Variants in PPARD observed in about 807,000 individuals in gnomAD.
The protein encoded by PPARD is peroxisome proliferator activated receptor delta, also known as peroxisome proliferator-activated receptor delta.
Under a neutral mutation model 39.5 loss-of-function variants are expected in PPARD, and 6 were observed. That is an observed-to-expected ratio of 0.15 (90% CI 0.08 to 0.30). PPARD has a LOEUF of 0.30. Ranked by LOEUF, PPARD falls within the 10% of genes least tolerant of loss-of-function variation. PPARD has a pLI of 1.00. For missense variants in PPARD, 397 were observed against 596.8 expected (o/e 0.67, Z 3.49); for synonymous variants, 210 against 231.3 (o/e 0.91, Z 0.83).
chr6:35,361,561 C>G (rs1047038355), intron 2 of PPARD, among the ~76,000 whole-genome samples: 1 of 152,152 alleles, frequency 6.6e-6, no homozygotes, highest in Non-Finnish European at 1.5e-5. Context: ...TTCATCTGAA[C>G]ATTGGCCTGC....
chr6:35,343,492 T>C (rs1199910131), intron 1 of PPARD, among the ~76,000 whole-genome samples: 4 of 139,072 alleles, frequency 2.9e-5, no homozygotes, highest in Admixed American at 6.8e-5. Context: ...CTCCACACTC[T>C]ACTCTACTTT....
At chr6:35,397,404 AG>A (rs1764405349) in intron 2 of PPARD, 2 of 368,394 alleles carry the variant, frequency 5.4e-6, no homozygotes, top group African/African-American at 4.4e-5. Flanking sequence ...CAAAAGAACT[AG>A]CCAGACGCTG....
chr6:35,346,930 G>A (rs1792216012), intron 1 of PPARD, 137 bp from the exon 2 acceptor site: 1 of 565,244 alleles, frequency 1.8e-6, no homozygotes, highest in Non-Finnish European at 3.1e-6. Context: ...TCTCAGGGTG[G>A]TGTGTAAGGG....
chr6:35,378,481 G>A (rs894106309), intron 2 of PPARD, among the ~76,000 whole-genome samples: 5 of 152,106 alleles, frequency 3.3e-5, no homozygotes, highest in Non-Finnish European at 7.4e-5. Context: ...ACAAGCCAGT[G>A]GCCAGAAAAA....
chr6:35,425,273 CAA>C lies in PPARD; in HGVS notation c.1078+501_1078+502del, dbSNP rs1562229267. 6 of 998,582 alleles carry C rather than the reference CAA, an allele frequency of 6.0e-6. No homozygotes were observed. The South Asian group carries it at 2.6e-4, about 43-fold the overall frequency. The allele number at this position is 998,582 out of a possible 1,614,324, so 61.9% of individuals were successfully genotyped here. On this transcript the variant is annotated intron_variant, in intron 7 of 7. Transcript: ENST00000360694. This position sits in a 1 kb window ranked among gnomAD's most constrained non-coding sequence, Gnocchi z 4.5. ...TGGGTGACAGAGTGAGACCCTGTCTCAAAAAAAAGGAAAAGGACTAACAGGCA... is the reference window on the plus strand; with the variant it reads ...TGGGTGACAGAGTGAGACCCTGTCTCAAAAAAGGAAAAGGACTAACAGGCA...
intron 2 of PPARD, among the ~76,000 whole-genome samples, chr6:35,361,217 C>T (rs1761909782): frequency 6.6e-6 from 1 of 152,136 alleles, no homozygotes; most frequent in African/African-American, 2.4e-5. Flanking sequence ...CCCTCCACCT[C>T]TGGGGATTAA....
At chr6:35,394,154 C>G (rs1764176712) in intron 2 of PPARD, among the ~76,000 whole-genome samples, 2 of 152,224 alleles carry the variant, frequency 1.3e-5, no homozygotes, top group African/African-American at 2.4e-5. Flanking sequence ...TTTCCCCTCC[C>G]AGTAGTTTAG....
At chr6:35,389,183 C>T (rs1562198625) in intron 2 of PPARD, among the ~76,000 whole-genome samples, 1 of 152,108 alleles carries the variant, frequency 6.6e-6, no homozygotes, top group East Asian at 1.9e-4. Flanking sequence ...AAGACCCTGT[C>T]TCAAAAAAAG....
chr6:35,357,028 C>T (rs185912181), intron 2 of PPARD, among the ~76,000 whole-genome samples: 9 of 152,330 alleles, frequency 5.9e-5, no homozygotes, highest in Non-Finnish European at 1.3e-4. Flanking sequence ...CAGCTCTTCC[C>T]TGGAGCAGTT....
chr6:35,355,739 G>A (rs1761571169), intron 2 of PPARD, among the ~76,000 whole-genome samples: 1 of 149,676 alleles, frequency 6.7e-6, no homozygotes. Flanking sequence ...AGCCTCCCGA[G>A]TAGCTGGGAC....
chr6:35,358,713 T>A (rs991566215), intron 2 of PPARD, among the ~76,000 whole-genome samples: 1 of 152,228 alleles, frequency 6.6e-6, no homozygotes, highest in African/African-American at 2.4e-5. Context: ...TTCAGTGATA[T>A]CATGAACAAA....
chr6:35,397,497 G>A (rs1764416568), intron 2 of PPARD: 11 of 981,332 alleles, frequency 1.1e-5, no homozygotes, highest in Non-Finnish European at 1.3e-5. Flanking sequence ...CTCCTTTGAA[G>A]GGTCTGGAAT....
chr6:35,402,565 G>A (rs1764773557), intron 2 of PPARD, among the ~76,000 whole-genome samples: 1 of 152,170 alleles, frequency 6.6e-6, no homozygotes, highest in South Asian at 2.1e-4. Flanking sequence ...GCCTCTTGGG[G>A]CAATGGGAAG....
chr6:35,369,658 A>T (rs1253642943), intron 2 of PPARD, among the ~76,000 whole-genome samples: 1 of 152,254 alleles, frequency 6.6e-6, no homozygotes, highest in Non-Finnish European at 1.5e-5. Flanking sequence ...ATTTGAATAT[A>T]GTTTTCAAGA....
chr6:35,381,059 A>G (rs1431385662), intron 2 of PPARD, among the ~76,000 whole-genome samples: 1 of 143,774 alleles, frequency 7.0e-6, no homozygotes. Flanking sequence ...TTCTCCCCTC[A>G]TCTCCTCTCT....
intron 1 of PPARD, among the ~76,000 whole-genome samples, chr6:35,342,930 C>A (rs1791938999): frequency 6.6e-6 from 1 of 151,280 alleles, no homozygotes; most frequent in Non-Finnish European, 1.5e-5. Flanking sequence ...CCCATAGCTG[C>A]TTGAGTGAGT....
chr6:35,374,805 G>A (rs1357896495), intron 2 of PPARD, among the ~76,000 whole-genome samples: 1 of 152,074 alleles, frequency 6.6e-6, no homozygotes, highest in African/African-American at 2.4e-5. Context: ...ACATTTTCCT[G>A]CCAGACTTGC....
chr6:35,355,551 G>A (rs1385383460), intron 2 of PPARD, among the ~76,000 whole-genome samples: 1 of 42,044 alleles, frequency 2.4e-5, no homozygotes, highest in Non-Finnish European at 3.7e-5. Flanking sequence ...GGCCCTGTCT[G>A]TAAAAAAAAA....
chr6:35,406,897 C>T (rs778958771), intron 2 of PPARD, among the ~76,000 whole-genome samples: 5 of 152,198 alleles, frequency 3.3e-5, no homozygotes, highest in African/African-American at 7.2e-5. Flanking sequence ...CTGCTGTGTC[C>T]GAAGCTCTGC....
Sources: gnomAD v4.1 joint callset for allele counts (sites outside exome capture counted in the v4.1 genomes callset) on GRCh38, gnomAD v4.1.1 for gene constraint, Gnocchi (gnomAD v3.1) non-coding constraint, MANE v1.5 for transcripts, NCBI Gene and HGNC (gene_info 2026-07-23, HGNC 2026-07-21) for gene names.